The following TUBGCP6 variants were observed in gnomAD, a reference collection of about 807,000 sequenced individuals.
TUBGCP6 encodes the protein gamma-tubulin complex component 6.
A neutral mutation model predicts 175.8 loss-of-function variants in TUBGCP6; 161 were observed. That is an observed-to-expected ratio of 0.92 (90% confidence interval 0.81 to 1.04). The LOEUF is 1.04. Ranked by LOEUF, TUBGCP6 falls within the 50% of genes least tolerant of loss-of-function variation. The probability of loss-of-function intolerance (pLI) is 0.00; values close to 1 mark genes in which losing one functional copy is unlikely to be tolerated. For synonymous variants in TUBGCP6, 1,173 were observed against 1,030.5 expected, an observed-to-expected ratio of 1.14 and a Z score of -2.65; for missense variants, 2,572 against 2,433.0, an observed-to-expected ratio of 1.06 and a Z score of -1.20.
chr22:50,224,441 G>A lies in TUBGCP6; in HGVS notation c.2066-21C>T, dbSNP rs1022184050. On this transcript the variant is annotated intron_variant, in intron 11 of 24. Transcript: ENST00000248846. ...CCGGTCTACATTGGGACAGTAAGGG[G>A]CGCACTGTCACAAGGAGGCCCCAGC... 12 of 1,613,992 alleles carry A rather than the reference G, an allele frequency of 7.4e-6. No individual in the cohort carries two copies. The Middle Eastern group carries it at 4.9e-4, about 66-fold the overall frequency.
intron 2 of TUBGCP6, among the ~76,000 whole-genome samples, chr22:50,234,984 G>A (rs1256813778): frequency 7.0e-6 from 1 of 142,576 alleles, no homozygotes; most frequent in Admixed American, 7.1e-5. Context: ...CAGGTCCACC[G>A]CAGCATCATC....
In TUBGCP6 at chr22:50,226,125, C is replaced by T. The variant is rs1271613397; in HGVS notation, c.1758G>A (p.Val586=). ...ISKEVEDCVP[V]FLKHIAHDIY... is the part of the protein sequence containing the mutation. Reference sequence around the variant, plus strand: ...TGTCGTGGGCAATGTGCTTCAGAAACACGGGAACACAGTCCTCCACCTCTT... The same window carrying T: ...TGTCGTGGGCAATGTGCTTCAGAAATACGGGAACACAGTCCTCCACCTCTT... The change falls in exon 9 of 25, where the codon GTG becomes GTA. Residue 586 remains valine, a synonymous_variant. Transcript: ENST00000248846. 1 of 1,614,148 alleles carries T rather than the reference C, an allele frequency of 6.2e-7. No homozygotes were observed. Among genetic ancestry groups the T allele is most frequent in the Admixed American group, 1.7e-5 (1 of 60,026 alleles).
rs537198714 is a variant in TUBGCP6 at position 50,219,397 on chromosome 22, C to A, written c.4375G>T (p.Val1459Leu). Residue 1459 changes from valine (V) to leucine (L), a missense_variant, in exon 19 of 25, where the codon GTG (valine) becomes TTG (leucine). By Grantham distance (32) the Val-to-Leu change is conservative. Coordinates refer to ENST00000248846, the MANE Select transcript of TUBGCP6 (RefSeq NM_020461.4). ...GCGGCAGACTGGACCTGGGGGTCCA[C>A]GGGGAAGGCGAAGGCCCGGGGAAGC... is the stretch of plus-strand genomic sequence containing the variant. The part of the protein sequence containing the change: ...PVLPRAFAFP[V>L]DPQVQSAADE... The A allele has an allele frequency of 1.3e-6, 2 of 1,573,404 alleles. No individual in the cohort carries two copies. Among genetic ancestry groups the A allele is most frequent in the South Asian group, 2.3e-5 (2 of 86,582 alleles).
At position 50,226,175 on chromosome 22, in the gene TUBGCP6, T is replaced by A. The variant is rs756896629; in HGVS notation, c.1708A>T (p.Thr570Ser). 4 of 1,614,014 alleles carry A rather than the reference T, an allele frequency of 2.5e-6. No homozygotes were observed. The East Asian group carries it at 8.9e-5, about 36-fold the overall frequency. Residue 570 changes from threonine (T) to serine (S), a missense_variant, in exon 9 of 25, where the codon ACA (threonine) becomes TCA (serine). Physicochemically the swap from Thr to Ser is moderately conservative, Grantham distance 58. Coordinates refer to ENST00000248846, the MANE Select transcript of TUBGCP6 (RefSeq NM_020461.4). ...TTGGAGATGAGCACGTAGCCATGTG[T>A]CCAGTACAACTTATCTAAGGTAGGG... Reference protein sequence around the residue: ...YLSFRDKLYWTHGYVLISKEV... With the variant: ...YLSFRDKLYWSHGYVLISKEV...
intron 18 of TUBGCP6, 41 bp from the exon 19 acceptor site, chr22:50,219,497 C>G: frequency 6.3e-7 from 1 of 1,594,336 alleles, no homozygotes; most frequent in Non-Finnish European, 8.5e-7. Context: ...AACCGGCCAG[C>G]CCAGGGCTCC....
Position 50,244,778 on chromosome 22 carries a change from G to A in TUBGCP6, c.-319C>T, listed in dbSNP as rs757020714. The A allele has an allele frequency of 1.3e-4, 43 of 330,016 alleles. No individual in the cohort carries two copies. Among genetic ancestry groups the A allele is most frequent in the Admixed American group, 4.6e-4 (10 of 21,698 alleles). The allele number at this position is 330,016 out of a possible 1,614,324, so 20.4% of individuals were successfully genotyped here. On this transcript the variant is annotated 5_prime_UTR_variant, in exon 1 of 25. Transcript: ENST00000248846. ...CAGAACCGTGGCAAAACCGAAGAAC[G>A]AAACGCGCGCCCGCGCAGTACAGCG...
intron 2 of TUBGCP6, among the ~76,000 whole-genome samples, chr22:50,234,993 T>C (rs1474449470): frequency 1.6e-5 from 2 of 121,774 alleles, no homozygotes; most frequent in South Asian, 2.7e-4. Flanking sequence ...CGCAGCATCA[T>C]CCACACCCCT....
chr22:50,226,195 G>C lies in TUBGCP6; in HGVS notation c.1694-6C>G. 2 of 1,614,074 alleles carry C rather than the reference G, an allele frequency of 1.2e-6. No individual in the cohort carries two copies. Among genetic ancestry groups the C allele is most frequent in the Non-Finnish European group, 1.7e-6 (2 of 1,179,986 alleles). On this transcript the variant is annotated splice_region_variant and splice_polypyrimidine_tract_variant and intron_variant, in intron 8 of 24. Transcript: ENST00000248846. ...ATGTGTCCAGTACAACTTATCTAAG[G>C]TAGGGTGAACACCACGGTGGCCGGC...
rs1247131508 is a variant in TUBGCP6 at position 50,244,551 on chromosome 22, C to T, written c.-92G>A. 1.4e-6 allele frequency: 2 copies of T among 1,459,348 alleles called. No individual in the cohort carries two copies. Among genetic ancestry groups the T allele is most frequent in the Non-Finnish European group, 1.8e-6 (2 of 1,112,366 alleles). 90.4% of individuals were successfully genotyped at this position (1,459,348 alleles called of 1,614,324 possible). A position where few individuals can be genotyped will look rare whatever the true frequency, so the allele number is the denominator to read the frequency against. On this transcript the variant is annotated 5_prime_UTR_variant, in exon 1 of 25. Coordinates refer to ENST00000248846, the MANE Select transcript of TUBGCP6 (RefSeq NM_020461.4). ...GGAAGACAGGGAGTGAGAGAGGGTC[C>T]GAAGAGGCTGAATGACAGGCGGCCT...
chr22:50,221,631 CG>C lies in TUBGCP6; in HGVS notation c.2727del (p.Val910CysfsTer48). 6.5e-7 allele frequency: 1 copy of C among 1,536,592 alleles called. No individual in the cohort carries two copies. Among genetic ancestry groups the C allele is most frequent in the Non-Finnish European group, 8.8e-7 (1 of 1,141,164 alleles). On this transcript the variant is annotated frameshift_variant, in exon 16 of 25. Coordinates refer to ENST00000248846, the MANE Select transcript of TUBGCP6 (RefSeq NM_020461.4). LOFTEE classifies it high-confidence loss of function. The stretch of plus-strand genomic sequence containing the variant: ...AGGAGAGGGACCATGCCAGTCTGCA[CG>C]GACGGCTCAGCCCCTGGGCCCACAG... ...FLPVGPGAEP[S>X]VQTGMVPLLE... is the part of the protein sequence containing the mutation.
intron 3 of TUBGCP6, among the ~76,000 whole-genome samples, chr22:50,230,011 A>C (rs187661438): frequency 6.6e-6 from 1 of 152,160 alleles, no homozygotes; most frequent in Non-Finnish European, 1.5e-5. Flanking sequence ...GAGACCCCCA[A>C]TAGAGGGCTC....
Position 50,218,421 on chromosome 22 carries a change from C to T in TUBGCP6, c.4955-19G>A. 1 of 1,612,620 alleles carries T rather than the reference C, an allele frequency of 6.2e-7. No homozygotes were observed. Among genetic ancestry groups the T allele is most frequent in the South Asian group, 1.1e-5 (1 of 91,082 alleles). ...AGCAGGGCTGGCGGAGGGCAGAAGGCAGAGGGCAGAGGTGAGCGCAGCCTC... is the reference window on the plus strand; with the variant it reads ...AGCAGGGCTGGCGGAGGGCAGAAGGTAGAGGGCAGAGGTGAGCGCAGCCTC... On this transcript the variant is annotated intron_variant, in intron 22 of 24. Coordinates refer to ENST00000248846, the MANE Select transcript of TUBGCP6 (RefSeq NM_020461.4).
In TUBGCP6 at chr22:50,220,431, C is replaced by T; in HGVS notation, c.3928G>A (p.Ala1310Thr). The T allele has an allele frequency of 1.9e-6, 3 of 1,610,276 alleles. No homozygotes were observed. Among genetic ancestry groups the T allele is most frequent in the African/African-American group, 1.3e-5 (1 of 75,030 alleles). The part of the protein sequence containing the change: ...HTSQSALSLG[A>T]QSTVLDCGPR... ...CCACAGTCCAGCACAGTGCTCTGTG[C>T]TCCCAGGCTGAGCGCTGACTGGGAC... The change falls in exon 16 of 25, where the codon GCA (alanine) becomes ACA (threonine). Residue 1310 changes from alanine to threonine, a missense_variant. Physicochemically the swap from Ala to Thr is moderately conservative, Grantham distance 58. Coordinates refer to ENST00000248846, the MANE Select transcript of TUBGCP6 (RefSeq NM_020461.4).
rs1178499704 is a variant in TUBGCP6, at chr22:50,220,017, T to C, written c.4109-2A>G. 6.2e-7 allele frequency: 1 copy of C among 1,613,228 alleles called. No homozygotes were observed. Among genetic ancestry groups the C allele is most frequent in the Non-Finnish European group, 8.5e-7 (1 of 1,179,524 alleles). Reference sequence around the variant, plus strand: ...CAGTGTCCCCGCTCCTCCCAGGGCCTGTGTGGACACAAGTGGACACGAGGG... The same window carrying C: ...CAGTGTCCCCGCTCCTCCCAGGGCCCGTGTGGACACAAGTGGACACGAGGG... On this transcript the variant is annotated splice_acceptor_variant, in intron 16 of 24. Transcript: ENST00000248846. LOFTEE classifies it high-confidence loss of function.
Position 50,225,925 on chromosome 22 carries a change from C to G in TUBGCP6, c.1852G>C (p.Asp618His), listed in dbSNP as rs750772371. The G allele has an allele frequency of 1.9e-6, 3 of 1,613,592 alleles. No individual in the cohort carries two copies. The highest frequency in any genetic ancestry group is 2.7e-5 in the African/African-American group (2 of 74,818). ...ACCGAGATCCGGGGGACAGGGACGTCGGACCAACAGAGGTAATGCTGCCAA... is the reference window on the plus strand; with the variant it reads ...ACCGAGATCCGGGGGACAGGGACGTGGGACCAACAGAGGTAATGCTGCCAA... ...CCPRHYLCWS[D>H]VPVPRISVIF... The change falls in exon 10 of 25, where the codon GAC becomes CAC. Residue 618 changes from aspartate to histidine, a missense_variant. Physicochemically the swap from Asp to His is moderately conservative, Grantham distance 81 (BLOSUM62 -1). Transcript: ENST00000248846.
rs777398608 is a variant in TUBGCP6 at position 50,221,125 on chromosome 22, G to A, written c.3234C>T (p.Asn1078=). The A allele has an allele frequency of 1.2e-6, 2 of 1,611,074 alleles. No individual in the cohort carries two copies. The highest frequency in any genetic ancestry group is 2.2e-5 in the East Asian group (1 of 44,724). The part of the protein sequence containing the change: ...SDVAPTQPRW[N]THGHVSNASI... ...TGGCATTGGATACGTGTCCGTGGGT[G>A]TTCCACCGTGGCTGGGTGGGAGCCA... The change falls in exon 16 of 25, where the codon AAC becomes AAT. Residue 1078 remains asparagine (N), a synonymous_variant. Coordinates refer to ENST00000248846, the MANE Select transcript of TUBGCP6 (RefSeq NM_020461.4).
At chr22:50,230,781 A>AG (rs917524418) in intron 3 of TUBGCP6, among the ~76,000 whole-genome samples, 7 of 151,090 alleles carry the variant, frequency 4.6e-5, no homozygotes, top group Admixed American at 3.3e-4. Flanking sequence ...AAAAAAAAAA[A>AG]AAAGAAAGAA....
chr22:50,226,432 C>G, intron 7 of TUBGCP6, 54 bp from the exon 8 acceptor site: 5 of 1,458,882 alleles, frequency 3.4e-6, no homozygotes, highest in Non-Finnish European at 4.7e-6. Context: ...GTGGGTGGGG[C>G]GTGGCTGTCA....
Position 50,244,701 on chromosome 22 carries a change from A to C in TUBGCP6, c.-242T>G. On this transcript the variant is annotated 5_prime_UTR_variant, in exon 1 of 25. Transcript: ENST00000248846. ...GCCCGGCGCCCGGCAGCCCACCAGA[A>C]GCCAGCTCGGCGTTTCTTCTAATTC... 1.8e-6 allele frequency: 1 copy of C among 561,348 alleles called. No individual in the cohort carries two copies. The highest frequency in any genetic ancestry group is 3.0e-6 in the Non-Finnish European group (1 of 327,946). The allele number at this position is 561,348 out of a possible 1,614,324, so 34.8% of individuals were successfully genotyped here. A position where few individuals can be genotyped will look rare whatever the true frequency, so the allele number is the denominator to read the frequency against.
Sources: gnomAD v4.1 joint callset for allele counts (sites outside exome capture counted in the v4.1 genomes callset) on GRCh38, gnomAD v4.1.1 for gene constraint, MANE v1.5 for transcripts, NCBI Gene and HGNC (gene_info 2026-07-23, HGNC 2026-07-21) for gene names.